The following FOXJ3 variants were observed in gnomAD, a reference collection of about 807,000 sequenced individuals.
The protein encoded by FOXJ3 is forkhead box J3.
Under a neutral mutation model 76.1 loss-of-function variants are expected in FOXJ3, and 22 were observed. That is an observed-to-expected ratio of 0.29 (90% CI 0.21 to 0.41). The LOEUF (loss-of-function observed/expected upper bound fraction) is 0.41, where lower values mean the gene tolerates loss of function less well. Ranked by LOEUF, FOXJ3 falls within the 10% of genes least tolerant of loss-of-function variation. FOXJ3 has a pLI of 1.00. For synonymous variants in FOXJ3, 269 were observed against 261.2 expected, an observed-to-expected ratio of 1.03 and a Z score of -0.29; for missense variants, 613 against 762.1, an observed-to-expected ratio of 0.80 and a Z score of 2.30.
At chr1:42,236,211 C>T (rs905153152) in intron 4 of FOXJ3, among the ~76,000 whole-genome samples, 1 of 152,284 alleles carries the variant, frequency 6.6e-6, no homozygotes, top group African/African-American at 2.4e-5. Context: ...GGTGTTGAGG[C>T]AAGGTCTTGC....
At chr1:42,229,781 AG>A (rs1441981132) in intron 4 of FOXJ3, among the ~76,000 whole-genome samples, 1 of 152,212 alleles carries the variant, frequency 6.6e-6, no homozygotes, top group Non-Finnish European at 1.5e-5. Flanking sequence ...AATAAATGCA[AG>A]GGGGAAAAAT....
At chr1:42,301,455 C>T (rs966475401) in intron 2 of FOXJ3, among the ~76,000 whole-genome samples, 7 of 151,968 alleles carry the variant, frequency 4.6e-5, no homozygotes, top group African/African-American at 7.3e-5. Flanking sequence ...CACCCGCCTC[C>T]GCCTCCAAAA....
chr1:42,248,800 G>C (rs910806123), intron 4 of FOXJ3, among the ~76,000 whole-genome samples: 2 of 138,600 alleles, frequency 1.4e-5, no homozygotes, highest in East Asian at 4.4e-4. Flanking sequence ...TTGTTACATA[G>C]GTATAAGTGT....
At chr1:42,315,145 T>A (rs1318735210) in intron 1 of FOXJ3, among the ~76,000 whole-genome samples, 2 of 152,118 alleles carry the variant, frequency 1.3e-5, no homozygotes, top group African/African-American at 4.8e-5. Context: ...TCTATAGAAA[T>A]GAAAAGTAGA....
chr1:42,288,469 T>C (rs1214798933), intron 2 of FOXJ3, among the ~76,000 whole-genome samples: 3 of 152,338 alleles, frequency 2.0e-5, no homozygotes, highest in South Asian at 2.1e-4. Flanking sequence ...TCTGCTTCCA[T>C]GGCATTATAC....
intron 1 of FOXJ3, among the ~76,000 whole-genome samples, chr1:42,332,285 C>G (rs140613835): frequency 6.6e-6 from 1 of 152,180 alleles, no homozygotes; most frequent in Non-Finnish European, 1.5e-5. Flanking sequence ...GCATCTATAT[C>G]CCTGGTCAGT....
intron 6 of FOXJ3, among the ~76,000 whole-genome samples, chr1:42,200,470 C>A (rs1006657675): frequency 6.6e-6 from 1 of 151,880 alleles, no homozygotes; most frequent in East Asian, 1.9e-4. Flanking sequence ...TCCTTTTCTT[C>A]AATATTTTCT....
chr1:42,239,445 A>AT (rs1389374345), intron 4 of FOXJ3, among the ~76,000 whole-genome samples: 1 of 150,054 alleles, frequency 6.7e-6, no homozygotes, highest in Admixed American at 6.6e-5. Context: ...TTGGTCAAAT[A>AT]TTTTTTCTAT....
chr1:42,278,643 G>A lies in FOXJ3; in HGVS notation c.74C>T (p.Thr25Met). ...GAGCTGTGGTAACCAGTCCATAGACGTTAGGCTGCTCTCCAGTTCAGATGT... is the reference window on the plus strand; with the variant it reads ...GAGCTGTGGTAACCAGTCCATAGACATTAGGCTGCTCTCCAGTTCAGATGT... ...RMTSELESSL[T>M]SMDWLPQLTM... The change falls in exon 3 of 13, where the codon ACG becomes ATG. Residue 25 changes from threonine to methionine, a missense_variant. By Grantham distance (81) the Thr-to-Met change is moderately conservative. Transcript: ENST00000361346. 4 of 1,613,890 alleles carry A rather than the reference G, an allele frequency of 2.5e-6. No individual in the cohort carries two copies. Among genetic ancestry groups the A allele is most frequent in the Non-Finnish European group, 2.5e-6 (3 of 1,179,812 alleles).
chr1:42,332,187 A>G (rs943908206), intron 1 of FOXJ3, among the ~76,000 whole-genome samples: 9 of 152,148 alleles, frequency 5.9e-5, no homozygotes, highest in Admixed American at 5.2e-4. Context: ...CTATTAGCCT[A>G]TTTCAAGACC....
chr1:42,276,531 A>G (rs1652277321), intron 3 of FOXJ3, among the ~76,000 whole-genome samples: 1 of 152,308 alleles, frequency 6.6e-6, no homozygotes, highest in East Asian at 1.9e-4. Context: ...AAGTCAAACA[A>G]AAGTATAGCA....
rs1453811151 is a variant in FOXJ3, at chr1:42,176,653, T to C, written c.*3057A>G. ...ATATTTCTTTACAGCACTAAACAGT[T>C]ACAAATAATGGTTGCCGTTCATCAT... On this transcript the variant is annotated 3_prime_UTR_variant, in exon 13 of 13. Transcript: ENST00000361346. The C allele has an allele frequency of 6.6e-6, 1 of 152,608 alleles. No individual in the cohort carries two copies. The highest frequency in any genetic ancestry group is 2.4e-5 in the African/African-American group (1 of 41,434). The allele number at this position is 152,608 out of a possible 1,614,324, so 9.5% of individuals were successfully genotyped here.
rs137934369 is a variant in FOXJ3, at chr1:42,276,214, G to T, written c.369+2134C>A. ...CTACTAAAAATATAAAAATTAGCCAGGCACAGTGGTGGGCGCCTGTAATCC... is the reference window on the plus strand; with the variant it reads ...CTACTAAAAATATAAAAATTAGCCATGCACAGTGGTGGGCGCCTGTAATCC... On this transcript the variant is annotated intron_variant, in intron 3 of 12. Coordinates refer to ENST00000361346, the MANE Select transcript of FOXJ3 (RefSeq NM_014947.5). 9.4e-3 allele frequency among the ~76,000 whole-genome samples: 1,424 copies of T among 152,162 alleles called. 23 individuals are homozygous for T. The highest frequency in any genetic ancestry group is 0.059 in the East Asian group (302 of 5,160).
chr1:42,324,090 T>TGTATATACA (rs758886964), intron 1 of FOXJ3, among the ~76,000 whole-genome samples: 1 of 87,340 alleles, frequency 1.1e-5, no homozygotes, highest in Non-Finnish European at 2.2e-5. Flanking sequence ...GTATATATAC[T>TGTATATACA]GTATATATAC....
chr1:42,268,778 G>A (rs547776287), intron 3 of FOXJ3, among the ~76,000 whole-genome samples: 69 of 152,148 alleles, frequency 4.5e-4, no homozygotes, highest in African/African-American at 1.4e-3. Context: ...GAATATCTGC[G>A]TCCCCTCAAA....
intron 2 of FOXJ3, among the ~76,000 whole-genome samples, chr1:42,307,252 A>G (rs1029758787): frequency 5.3e-5 from 8 of 152,150 alleles, no homozygotes; most frequent in Non-Finnish European, 1.2e-4. Flanking sequence ...CCACTGAGAG[A>G]CAGCAGCATC....
At chr1:42,228,944 C>T (rs752480307) in intron 4 of FOXJ3, among the ~76,000 whole-genome samples, 6 of 152,096 alleles carry the variant, frequency 3.9e-5, no homozygotes, top group Non-Finnish European at 8.8e-5. Flanking sequence ...CTTCCTAGGC[C>T]GTTTTTTAAG....
chr1:42,245,182 AAAAC>A (rs1649453982), intron 4 of FOXJ3, among the ~76,000 whole-genome samples: 1 of 151,616 alleles, frequency 6.6e-6, no homozygotes, highest in African/African-American at 2.4e-5. Context: ...AAAAAAAAAA[AAAAC>A]AAGTCTCCCA....
intron 4 of FOXJ3, among the ~76,000 whole-genome samples, chr1:42,249,534 C>G (rs150558139): frequency 1.3e-5 from 2 of 152,138 alleles, no homozygotes; most frequent in African/African-American, 4.8e-5. Context: ...GGCAAAGTGA[C>G]GATTTCTAGA....
Sources: gnomAD v4.1 joint callset for allele counts (sites outside exome capture counted in the v4.1 genomes callset) on GRCh38, gnomAD v4.1.1 for gene constraint, MANE v1.5 for transcripts, NCBI Gene and HGNC (gene_info 2026-07-23, HGNC 2026-07-21) for gene names.